Variants in CSRNP3 observed in about 807,000 individuals in gnomAD.
The protein encoded by CSRNP3 is cysteine and serine rich nuclear protein 3.
Under a neutral mutation model 48.0 loss-of-function variants are expected in CSRNP3, and 12 were observed. The ratio of observed to expected loss-of-function variants is 0.25; its 90% CI spans 0.16 to 0.41. The LOEUF is 0.41. Among genes scored for constraint, CSRNP3 ranks in the 10% least tolerant of loss-of-function variants. The pLI, the probability that CSRNP3 is intolerant of heterozygous loss-of-function variation, is 1.00. For synonymous variants in CSRNP3, 263 were observed against 269.7 expected (o/e 0.98, Z 0.24); for missense variants, 580 against 724.4 (o/e 0.80, Z 2.29).
intron 3 of CSRNP3, among the ~76,000 whole-genome samples, chr2:165,520,601 GCAGTATAT>G (rs771973494): frequency 6.6e-4 from 100 of 151,040 alleles, no homozygotes; most frequent in Non-Finnish European, 1.2e-3. Flanking sequence ...GGTATTTTAA[GCAGTATAT>G]CATCTAAAGG....
intron 3 of CSRNP3, among the ~76,000 whole-genome samples, chr2:165,581,920 C>T (rs1448877601): frequency 6.6e-6 from 1 of 152,116 alleles, no homozygotes. Flanking sequence ...GTAGCTGGTC[C>T]AGGATTCAGA....
At chr2:165,677,301 T>C (rs188641768) in intron 6 of CSRNP3, among the ~76,000 whole-genome samples, 74 of 152,334 alleles carry the variant, frequency 4.9e-4, no homozygotes, top group African/African-American at 1.7e-3. Context: ...CAGAATTGAG[T>C]ATTGTGGTTG....
At chr2:165,586,104 A>C (rs1685625367) in intron 3 of CSRNP3, among the ~76,000 whole-genome samples, 1 of 152,140 alleles carries the variant, frequency 6.6e-6, no homozygotes, top group African/African-American at 2.4e-5. Flanking sequence ...CATATAAGAA[A>C]ATTATTGCCA....
chr2:165,490,737 G>A (rs1427708910), intron 1 of CSRNP3, among the ~76,000 whole-genome samples: 1 of 135,706 alleles, frequency 7.4e-6, no homozygotes, highest in South Asian at 2.6e-4. Flanking sequence ...GGGAAAACTG[G>A]CTAGCCATAT....
intron 3 of CSRNP3, among the ~76,000 whole-genome samples, chr2:165,590,542 C>G (rs1685699753): frequency 6.6e-6 from 1 of 152,078 alleles, no homozygotes; most frequent in Admixed American, 6.5e-5. Flanking sequence ...GTGTTCCCAC[C>G]CAAATCTCAT....
At chr2:165,666,612 A>G (rs1687214291) in intron 5 of CSRNP3, among the ~76,000 whole-genome samples, 1 of 76,394 alleles carries the variant, frequency 1.3e-5, no homozygotes, top group Non-Finnish European at 3.0e-5. Context: ...GAGATGAAGA[A>G]AGAGAGAAAG....
In CSRNP3 at chr2:165,594,447, A is replaced by G. The variant is rs925365849; in HGVS notation, c.-23-596A>G. On this transcript the variant is annotated intron_variant, in intron 3 of 6. Transcript: ENST00000651982. ...CTCTACCCATAGGCCTTTCAATTCA[A>G]TTATTGCTATCTTCCAGGTAAATAG... Among the ~76,000 whole-genome samples, 11 of 152,192 alleles carry G rather than the reference A, an allele frequency of 7.2e-5. No homozygotes were observed. In the South Asian group the frequency reaches 1.2e-3, roughly 17 times the overall value.
chr2:165,627,863 G>A (rs1180231266), intron 4 of CSRNP3, among the ~76,000 whole-genome samples: 2 of 152,108 alleles, frequency 1.3e-5, no homozygotes, highest in Non-Finnish European at 2.9e-5. Context: ...TGTTACACAT[G>A]TTCCTCCCAC....
At chr2:165,518,311 T>A (rs947601379) in intron 3 of CSRNP3, among the ~76,000 whole-genome samples, 4 of 151,996 alleles carry the variant, frequency 2.6e-5, no homozygotes, top group Non-Finnish European at 5.9e-5. Context: ...TTCTTTTGTA[T>A]CTTTGGCTGC....
chr2:165,557,159 AAAAG>A lies in CSRNP3; in HGVS notation c.-23-37876_-23-37873del, dbSNP rs556194526. Among the ~76,000 whole-genome samples, 10 of 152,350 alleles carry A rather than the reference AAAAG, an allele frequency of 6.6e-5. No homozygotes were observed. In the East Asian group the frequency reaches 7.7e-4, roughly 12 times the overall value. On this transcript the variant is annotated intron_variant, in intron 3 of 6. Coordinates refer to ENST00000651982, the MANE Select transcript of CSRNP3 (RefSeq NM_001172173.2). ...GGTTTAAATTTTTAAGTGATTGAAAAAAAGAAAGAAAAGAACACTTCATGACACA... is the reference window on the plus strand; with the variant it reads ...GGTTTAAATTTTTAAGTGATTGAAAAAAAGAAAAGAACACTTCATGACACA...
At chr2:165,676,197 C>A in intron 5 of CSRNP3, 115 bp from the exon 6 acceptor site, 1 of 776,436 alleles carries the variant, frequency 1.3e-6, no homozygotes. Flanking sequence ...CTAACAAACA[C>A]TTGTTGATTA....
chr2:165,664,646 T>G (rs1274727700), intron 5 of CSRNP3, among the ~76,000 whole-genome samples: 1 of 152,334 alleles, frequency 6.6e-6, no homozygotes, highest in East Asian at 1.9e-4. Flanking sequence ...GTTGCCCTGG[T>G]TTCCTTCCTC....
intron 2 of CSRNP3, among the ~76,000 whole-genome samples, chr2:165,502,993 A>C (rs1684377849): frequency 6.6e-6 from 1 of 151,444 alleles, no homozygotes; most frequent in South Asian, 2.1e-4. Flanking sequence ...TATGATAGTG[A>C]TTTTCTTTTT....
intron 2 of CSRNP3, among the ~76,000 whole-genome samples, chr2:165,516,073 G>T (rs1414984946): frequency 6.6e-6 from 1 of 151,950 alleles, no homozygotes; most frequent in African/African-American, 2.4e-5. Flanking sequence ...CCCAAAGTGC[G>T]GGGGTTACAG....
chr2:165,676,675 A>T (rs1208660087), intron 6 of CSRNP3, 67 bp downstream of exon 6: 3 of 1,432,174 alleles, frequency 2.1e-6, no homozygotes, highest in Non-Finnish European at 1.9e-6. Flanking sequence ...GGAGGCAGTC[A>T]TGGTACCTAT....
rs1423791447 is a variant in CSRNP3, at chr2:165,685,437, G to A, written c.*5684G>A. 1.3e-5 allele frequency: 2 copies of A among 152,090 alleles called. No individual in the cohort carries two copies. Among genetic ancestry groups the A allele is most frequent in the African/African-American group, 4.8e-5 (2 of 41,446 alleles). 9.4% of individuals were successfully genotyped at this position (152,090 alleles called of 1,614,324 possible). A position where few individuals can be genotyped will look rare whatever the true frequency, so the allele number is the denominator to read the frequency against. ...GCATGCCTTGGGTTTCCTATCCTGA[G>A]AGTGGTAATGCCAGTAGAATGATGG... is the stretch of plus-strand genomic sequence containing the variant. On this transcript the variant is annotated 3_prime_UTR_variant, in exon 7 of 7. Transcript: ENST00000651982.
chr2:165,532,529 T>A (rs559936463), intron 3 of CSRNP3, among the ~76,000 whole-genome samples: 110 of 152,230 alleles, frequency 7.2e-4, no homozygotes, highest in Non-Finnish European at 1.4e-3. Flanking sequence ...CTAAAAACTT[T>A]CAATAAATTA....
At chr2:165,674,551 A>T (rs1687387000) in intron 5 of CSRNP3, among the ~76,000 whole-genome samples, 1 of 150,562 alleles carries the variant, frequency 6.6e-6, no homozygotes, top group Non-Finnish European at 1.5e-5. Context: ...ACCAAGAGAC[A>T]AAACCCAATA....
intron 5 of CSRNP3, among the ~76,000 whole-genome samples, chr2:165,668,397 C>CTTTT (rs1465526682): frequency 1.7e-5 from 2 of 114,438 alleles, no homozygotes; most frequent in African/African-American, 7.2e-5. Context: ...TTCTTTCTTT[C>CTTTT]TTTCTTTTTT....
Sources: gnomAD v4.1 joint callset for allele counts (sites outside exome capture counted in the v4.1 genomes callset) on GRCh38, gnomAD v4.1.1 for gene constraint, MANE v1.5 for transcripts, NCBI Gene and HGNC (gene_info 2026-07-23, HGNC 2026-07-21) for gene names.